Variants in SMYD3 observed in about 807,000 individuals in gnomAD.
SMYD3 encodes the protein histone-lysine N-methyltransferase SMYD3.
In SMYD3, 36 loss-of-function variants were observed where a neutral mutation model predicts 57.7. The observed-to-expected ratio is 0.62, with a 90% CI of 0.48 to 0.82. The LOEUF (loss-of-function observed/expected upper bound fraction) is 0.82, where lower values mean the gene tolerates loss of function less well. SMYD3 is among the 40% of genes least tolerant of loss of function. The pLI is 0.00. For synonymous variants in SMYD3, 211 were observed against 195.0 expected, an observed-to-expected ratio of 1.08 and a Z score of -0.68; for missense variants, 515 against 538.8, an observed-to-expected ratio of 0.96 and a Z score of 0.44.
intron 5 of SMYD3, among the ~76,000 whole-genome samples, chr1:246,247,945 G>A (rs1278229773): frequency 6.6e-6 from 1 of 152,128 alleles, no homozygotes; most frequent in Non-Finnish European, 1.5e-5. Context: ...TGAGTGATGA[G>A]AACATACCCT....
At chr1:246,439,041 T>C (rs2067424435) in intron 1 of SMYD3, among the ~76,000 whole-genome samples, 1 of 147,410 alleles carries the variant, frequency 6.8e-6, no homozygotes, top group South Asian at 2.3e-4. Context: ...GACTATGCTA[T>C]GTAAATAGTT....
intron 5 of SMYD3, among the ~76,000 whole-genome samples, chr1:246,246,324 G>A (rs889395447): frequency 7.2e-5 from 11 of 152,214 alleles, no homozygotes; most frequent in African/African-American, 2.6e-4. Context: ...TAAGAAGTGA[G>A]GACTCTGGAC....
chr1:245,969,605 A>G (rs2058244226), intron 5 of SMYD3, among the ~76,000 whole-genome samples: 2 of 152,248 alleles, frequency 1.3e-5, no homozygotes, highest in Non-Finnish European at 2.9e-5. Context: ...GAGGAAATCC[A>G]AACTAACCAA....
chr1:245,917,968 GC>G (rs980039346), intron 7 of SMYD3, among the ~76,000 whole-genome samples: 1 of 152,194 alleles, frequency 6.6e-6, no homozygotes, highest in Non-Finnish European at 1.5e-5. Flanking sequence ...GGCAAAGGCA[GC>G]CACCCTCTCT....
intron 5 of SMYD3, among the ~76,000 whole-genome samples, chr1:246,177,184 T>C (rs1402904819): frequency 6.6e-6 from 1 of 152,252 alleles, no homozygotes; most frequent in Non-Finnish European, 1.5e-5. Flanking sequence ...TCTGCTAATA[T>C]ACTGTTCTCT....
chr1:246,049,196 TA>T (rs2060020657), intron 5 of SMYD3, among the ~76,000 whole-genome samples: 1 of 150,318 alleles, frequency 6.7e-6, no homozygotes, highest in Non-Finnish European at 1.5e-5. Context: ...ATCCTGACAA[TA>T]AACGACTCTG....
At chr1:246,268,178 G>C (rs921899452) in intron 5 of SMYD3, among the ~76,000 whole-genome samples, 1 of 152,096 alleles carries the variant, frequency 6.6e-6, no homozygotes, top group African/African-American at 2.4e-5. Context: ...TGGGAGGTCG[G>C]CACAAGATAA....
At chr1:246,067,098 G>A (rs540714477) in intron 5 of SMYD3, among the ~76,000 whole-genome samples, 17 of 152,244 alleles carry the variant, frequency 1.1e-4, no homozygotes, top group African/African-American at 3.4e-4. Flanking sequence ...ACCATTTGAT[G>A]ACAATCTAGT....
chr1:246,329,583 G>A (rs1016939954), intron 4 of SMYD3, among the ~76,000 whole-genome samples: 3 of 151,990 alleles, frequency 2.0e-5, no homozygotes, highest in African/African-American at 7.3e-5. Context: ...TGTAGATTCT[G>A]GATATTAGCC....
chr1:245,806,967 A>T (rs1331993550), intron 10 of SMYD3, among the ~76,000 whole-genome samples: 1 of 150,468 alleles, frequency 6.6e-6, no homozygotes, highest in Non-Finnish European at 1.5e-5. Flanking sequence ...ATGGTAAGAC[A>T]TATCTTCCTA....
intron 5 of SMYD3, among the ~76,000 whole-genome samples, chr1:246,039,563 C>A (rs1009728119): frequency 6.6e-6 from 1 of 152,198 alleles, no homozygotes; most frequent in Non-Finnish European, 1.5e-5. Context: ...ACTGATACTA[C>A]AAACTGAGAT....
intron 10 of SMYD3, among the ~76,000 whole-genome samples, chr1:245,830,230 G>C (rs1016750355): frequency 3.3e-5 from 5 of 152,140 alleles, no homozygotes; most frequent in Admixed American, 6.5e-5. Context: ...CCTGAGACTG[G>C]GTAATTTTTA....
At chr1:246,105,574 C>T (rs2061103510) in intron 5 of SMYD3, among the ~76,000 whole-genome samples, 2 of 152,078 alleles carry the variant, frequency 1.3e-5, no homozygotes, top group Admixed American at 6.5e-5. Context: ...GAAATGTCTA[C>T]AATTTGGAAA....
chr1:245,869,097 A>G (rs1366052007), intron 8 of SMYD3, among the ~76,000 whole-genome samples: 1 of 151,578 alleles, frequency 6.6e-6, no homozygotes, highest in East Asian at 1.9e-4. Flanking sequence ...TTATTCAGGA[A>G]AAAAAAAATC....
chr1:246,392,819 C>T (rs1271520851), intron 1 of SMYD3, among the ~76,000 whole-genome samples: 1 of 143,064 alleles, frequency 7.0e-6, no homozygotes, highest in Non-Finnish European at 1.5e-5. Context: ...AAAAAAAAAA[C>T]TCAATTAGAA....
At chr1:246,294,515 C>T (rs114822875) in intron 5 of SMYD3, among the ~76,000 whole-genome samples, 232 of 152,242 alleles carry the variant, frequency 1.5e-3, no homozygotes, top group African/African-American at 5.2e-3. Context: ...CCAAAGAATT[C>T]GTGGAGAAAG....
intron 10 of SMYD3, among the ~76,000 whole-genome samples, chr1:245,852,601 G>A (rs547327776): frequency 7.9e-5 from 12 of 152,104 alleles, no homozygotes; most frequent in Admixed American, 6.5e-4. Context: ...AGGCCTAAGC[G>A]CAAGTCAGTG....
At chr1:246,460,121 T>C (rs1382782300) in intron 1 of SMYD3, among the ~76,000 whole-genome samples, 1 of 152,228 alleles carries the variant, frequency 6.6e-6, no homozygotes, top group Non-Finnish European at 1.5e-5. Context: ...CACTGGTTTC[T>C]ATTTCCTGCA....
At chr1:245,827,851 G>A (rs1389841758) in intron 10 of SMYD3, among the ~76,000 whole-genome samples, 1 of 152,168 alleles carries the variant, frequency 6.6e-6, no homozygotes, top group Non-Finnish European at 1.5e-5. Flanking sequence ...AATTAATGAG[G>A]AGCCGAGTCC....
Sources: gnomAD v4.1 joint callset for allele counts (sites outside exome capture counted in the v4.1 genomes callset) on GRCh38, gnomAD v4.1.1 for gene constraint, MANE v1.5 for transcripts, NCBI Gene and HGNC (gene_info 2026-07-23, HGNC 2026-07-21) for gene names.